The following LOC400499 variants were observed in gnomAD, a reference collection of about 807,000 sequenced individuals.
chr16:11,411,947 C>T, the LOC400499 span, among the ~76,000 whole-genome samples: 11 of 151,900 alleles, frequency 7.2e-5, no homozygotes, highest in Non-Finnish European at 1.6e-4. Context: ...ACTGCAGCTT[C>T]GATCTCCCAG....
At chr16:11,456,259 G>A in the LOC400499 span, among the ~76,000 whole-genome samples, 1 of 152,300 alleles carries the variant, frequency 6.6e-6, no homozygotes, top group African/African-American at 2.4e-5. Context: ...TGGCCAGGCT[G>A]ATCTTGAACT....
chr16:11,385,315 CAA>C, the LOC400499 span: 7 of 1,232,298 alleles, frequency 5.7e-6, no homozygotes, highest in Non-Finnish European at 7.1e-6. Context: ...GTGTTGTGAG[CAA>C]AGTCCTGGGC....
At chr16:11,497,887 C>T in the LOC400499 span, among the ~76,000 whole-genome samples, 11 of 152,012 alleles carry the variant, frequency 7.2e-5, no homozygotes, top group Admixed American at 1.3e-4. Flanking sequence ...AAATCTCTAA[C>T]GAAGGCTTAC....
chr16:11,458,361 C>T, the LOC400499 span, among the ~76,000 whole-genome samples: 1,538 of 151,994 alleles, frequency 0.01, 30 homozygotes, highest in African/African-American at 0.035. Context: ...AAAAATTAGC[C>T]GTGTGTGGTG....
At chr16:11,384,119 G>A in the LOC400499 span, 3 of 1,221,764 alleles carry the variant, frequency 2.5e-6, no homozygotes, top group South Asian at 4.2e-5. Flanking sequence ...GAAGTCCTCT[G>A]CAGAGCCATC....
the LOC400499 span, among the ~76,000 whole-genome samples, chr16:11,482,690 A>C: frequency 2.6e-5 from 4 of 152,160 alleles, no homozygotes; most frequent in African/African-American, 9.7e-5. Flanking sequence ...CAGGACTTCA[A>C]GATCAGCCTG....
chr16:11,444,739 T>C, the LOC400499 span, among the ~76,000 whole-genome samples: 5 of 152,252 alleles, frequency 3.3e-5, no homozygotes, highest in East Asian at 7.7e-4. Flanking sequence ...AAAGTACTCA[T>C]GGAGATCATG....
chr16:11,435,848 C>A, the LOC400499 span: 1 of 399,068 alleles, frequency 2.5e-6, no homozygotes, highest in African/African-American at 2.1e-5. Flanking sequence ...GTTGAGGCTG[C>A]GCACTCTGTA....
the LOC400499 span, among the ~76,000 whole-genome samples, chr16:11,377,958 C>G: frequency 5.3e-5 from 8 of 152,246 alleles, no homozygotes; most frequent in Non-Finnish European, 1.2e-4. Flanking sequence ...CTGATTCAAT[C>G]TCCTTGGTAG....
the LOC400499 span, among the ~76,000 whole-genome samples, chr16:11,437,848 G>C: frequency 6.6e-6 from 1 of 152,220 alleles, no homozygotes; most frequent in African/African-American, 2.4e-5. Flanking sequence ...CAGCTTGGGT[G>C]ACAGAGCGAG....
At chr16:11,392,846 T>C in the LOC400499 span, 3 of 973,760 alleles carry the variant, frequency 3.1e-6, no homozygotes, top group Non-Finnish European at 3.7e-6. Context: ...CCAGGTTTTT[T>C]CGTTTTTGTT....
chr16:11,515,760 GAGA>G, the LOC400499 span, among the ~76,000 whole-genome samples: 3 of 148,116 alleles, frequency 2.0e-5, no homozygotes, highest in Non-Finnish European at 3.0e-5. Flanking sequence ...GGAGGAGGAG[GAGA>G]AAAAGGGAGG....
the LOC400499 span, chr16:11,443,573 T>C: frequency 3.2e-6 from 1 of 312,188 alleles, no homozygotes; most frequent in Non-Finnish European, 6.2e-6. Context: ...TACGATGCTC[T>C]CCCAGAGTAT....
chr16:11,518,217 C>T, the LOC400499 span, among the ~76,000 whole-genome samples: 1 of 152,350 alleles, frequency 6.6e-6, no homozygotes, highest in East Asian at 1.9e-4. Context: ...CAGCATCCCC[C>T]ATCCTGGTAT....
chr16:11,493,248 G>A, the LOC400499 span, among the ~76,000 whole-genome samples: 7 of 152,310 alleles, frequency 4.6e-5, no homozygotes, highest in South Asian at 2.1e-4. Flanking sequence ...CAGGCCATGC[G>A]GTCTCTTGCA....
the LOC400499 span, chr16:11,448,059 C>T: frequency 6.5e-7 from 1 of 1,535,234 alleles, no homozygotes. Flanking sequence ...TGAGCGACAC[C>T]TGGGTCTTCC....
At chr16:11,486,643 GT>G in the LOC400499 span, among the ~76,000 whole-genome samples, 4 of 72,564 alleles carry the variant, frequency 5.5e-5, no homozygotes, top group African/African-American at 1.2e-4. Context: ...TGGTGGGTGG[GT>G]TGGATGAATG....
chr16:11,459,292 G>A, the LOC400499 span, among the ~76,000 whole-genome samples: 2 of 150,172 alleles, frequency 1.3e-5, no homozygotes, highest in African/African-American at 2.5e-5. Context: ...CGCCTCTGGG[G>A]TTCAAGCCAT....
At chr16:11,450,551 A>G in the LOC400499 span, 1 of 1,501,442 alleles carries the variant, frequency 6.7e-7, no homozygotes, top group African/African-American at 1.4e-5. Context: ...CCTCTGCACC[A>G]GAAAAAGATC....
Sources: allele counts gnomAD v4.1 joint callset (sites outside exome capture counted in the v4.1 genomes callset), GRCh38; gene constraint gnomAD v4.1.1; transcripts MANE v1.5.